The following AGBL4 variants were observed in gnomAD, a reference collection of about 807,000 sequenced individuals.
AGBL4 encodes cytosolic carboxypeptidase 6.
Under a neutral mutation model 66.4 loss-of-function variants are expected in AGBL4, and 58 were observed. That is an observed-to-expected ratio of 0.87 (90% CI 0.71 to 1.09). The LOEUF is 1.09. AGBL4 is among the 50% of genes least tolerant of loss of function. AGBL4 has a pLI of 0.00. For missense variants in AGBL4, 579 were observed against 631.0 expected (o/e 0.92, Z 0.88); for synonymous variants, 234 against 222.9 (o/e 1.05, Z -0.44).
At chr1:48,538,274 A>G (rs1236886838) in intron 12 of AGBL4, among the ~76,000 whole-genome samples, 1 of 152,200 alleles carries the variant, frequency 6.6e-6, no homozygotes, top group Non-Finnish European at 1.5e-5. Flanking sequence ...TTGGTTGGAA[A>G]TCTGGGACTG....
At chr1:48,538,650 T>G (rs1644011252) in intron 12 of AGBL4, among the ~76,000 whole-genome samples, 1 of 152,240 alleles carries the variant, frequency 6.6e-6, no homozygotes, top group Non-Finnish European at 1.5e-5. Context: ...CTTTTCCTCA[T>G]TTGTAAGATG....
At chr1:48,749,247 C>A (rs147053451) in intron 6 of AGBL4, among the ~76,000 whole-genome samples, 87 of 152,016 alleles carry the variant, frequency 5.7e-4, no homozygotes, top group African/African-American at 2.0e-3. Context: ...TTTTTTCTCT[C>A]TGTAGCATTT....
intron 11 of AGBL4, among the ~76,000 whole-genome samples, chr1:48,540,010 G>C (rs1259384194): frequency 2.0e-5 from 3 of 152,168 alleles, no homozygotes; most frequent in Non-Finnish European, 4.4e-5. Flanking sequence ...CAGGATATGA[G>C]TCTAGGGAGT....
At chr1:48,725,277 A>G (rs565058694) in intron 6 of AGBL4, among the ~76,000 whole-genome samples, 205 of 152,316 alleles carry the variant, frequency 1.3e-3, no homozygotes, top group African/African-American at 4.8e-3. Flanking sequence ...ATCTGTGTTA[A>G]AATACACATT....
At chr1:48,833,772 C>T (rs1477082817) in intron 6 of AGBL4, among the ~76,000 whole-genome samples, 1 of 152,120 alleles carries the variant, frequency 6.6e-6, no homozygotes, top group Non-Finnish European at 1.5e-5. Context: ...GGTTGTTGGG[C>T]TTCTTGTATT....
chr1:49,820,391 C>G (rs1168638372), intron 2 of AGBL4, among the ~76,000 whole-genome samples: 1 of 152,146 alleles, frequency 6.6e-6, no homozygotes, highest in East Asian at 1.9e-4. Flanking sequence ...TTGTGTGAAA[C>G]AGTTATAAAT....
chr1:48,616,119 C>T (rs943474974), intron 9 of AGBL4, among the ~76,000 whole-genome samples: 29 of 152,176 alleles, frequency 1.9e-4, no homozygotes, highest in Non-Finnish European at 8.8e-5. Flanking sequence ...GGGGCACATA[C>T]GTTCAAATCA....
chr1:49,121,402 C>G (rs1023171949), intron 4 of AGBL4, among the ~76,000 whole-genome samples: 1 of 152,088 alleles, frequency 6.6e-6, no homozygotes, highest in East Asian at 1.9e-4. Context: ...GTTGTAGATG[C>G]CTTTTTTGTT....
chr1:48,695,292 A>T (rs2148498093), intron 6 of AGBL4, among the ~76,000 whole-genome samples: 1 of 152,320 alleles, frequency 6.6e-6, no homozygotes, highest in Non-Finnish European at 1.5e-5. Flanking sequence ...ATCACCTTCT[A>T]AACAAATGGC....
chr1:49,500,025 C>A (rs998164545), intron 3 of AGBL4, among the ~76,000 whole-genome samples: 1 of 151,946 alleles, frequency 6.6e-6, no homozygotes, highest in Admixed American at 6.6e-5. Flanking sequence ...ACCACATCCA[C>A]GTCAACATCT....
At chr1:49,515,195 AAAAC>A (rs1313859461) in intron 3 of AGBL4, among the ~76,000 whole-genome samples, 6 of 152,142 alleles carry the variant, frequency 3.9e-5, no homozygotes, top group African/African-American at 1.4e-4. Flanking sequence ...TTACAAGAAG[AAAAC>A]AAACAACCCT....
intron 5 of AGBL4, among the ~76,000 whole-genome samples, chr1:49,010,919 T>TA (rs1662349707): frequency 6.6e-6 from 1 of 152,122 alleles, no homozygotes; most frequent in Admixed American, 6.6e-5. Flanking sequence ...CCTAAAACCA[T>TA]AAAAACTCTA....
chr1:49,625,167 C>T (rs1645441639), intron 3 of AGBL4, among the ~76,000 whole-genome samples: 1 of 152,144 alleles, frequency 6.6e-6, no homozygotes, highest in Admixed American at 6.5e-5. Flanking sequence ...CCATCTAAGC[C>T]ACATCATTTA....
intron 3 of AGBL4, among the ~76,000 whole-genome samples, chr1:49,592,701 C>G (rs1039220160): frequency 5.3e-5 from 8 of 152,160 alleles, no homozygotes; most frequent in African/African-American, 1.9e-4. Context: ...TCATCTCACA[C>G]AAGTCAAATT....
chr1:49,201,445 T>C (rs549250200), intron 4 of AGBL4, among the ~76,000 whole-genome samples: 36 of 152,296 alleles, frequency 2.4e-4, no homozygotes, highest in African/African-American at 1.9e-4. Context: ...TCTTGACAGG[T>C]CAAAAAACTT....
intron 5 of AGBL4, among the ~76,000 whole-genome samples, chr1:49,027,017 G>A (rs556610947): frequency 6.6e-6 from 1 of 152,120 alleles, no homozygotes; most frequent in Non-Finnish European, 1.5e-5. Context: ...TTGTAATGAG[G>A]GCCCAACAGA....
At chr1:49,012,274 C>G (rs1054067961) in intron 5 of AGBL4, among the ~76,000 whole-genome samples, 2 of 151,956 alleles carry the variant, frequency 1.3e-5, no homozygotes, top group African/African-American at 4.8e-5. Context: ...TAAAAAGGTG[C>G]TGTGTGCAGG....
At chr1:49,282,611 G>A (rs1257871494) in intron 3 of AGBL4, among the ~76,000 whole-genome samples, 5 of 152,192 alleles carry the variant, frequency 3.3e-5, no homozygotes, top group Admixed American at 1.3e-4. Flanking sequence ...CTGAGGTATC[G>A]GGTTCATCTC....
At chr1:49,170,068 G>A (rs895310429) in intron 4 of AGBL4, among the ~76,000 whole-genome samples, 6 of 151,518 alleles carry the variant, frequency 4.0e-5, no homozygotes, top group African/African-American at 7.3e-5. Context: ...GCACTAAAAC[G>A]TCAGGCTTCA....
Sources: allele counts gnomAD v4.1 joint callset (sites outside exome capture counted in the v4.1 genomes callset), GRCh38; gene constraint gnomAD v4.1.1; transcripts MANE v1.5; gene names NCBI Gene and HGNC (gene_info 2026-07-23, HGNC 2026-07-21).